The following MTUS2 variants were observed in gnomAD, a reference collection of about 807,000 sequenced individuals.
MTUS2 encodes microtubule-associated tumor suppressor candidate 2.
In MTUS2, 40 loss-of-function variants were observed where a neutral mutation model predicts 114.1. The observed-to-expected ratio is 0.35, with a 90% confidence interval of 0.27 to 0.46. The LOEUF is 0.46. Ranked by LOEUF, MTUS2 falls within the 20% of genes least tolerant of loss-of-function variation. MTUS2 has a pLI of 1.00. For synonymous variants in MTUS2, 688 were observed against 672.0 expected, an observed-to-expected ratio of 1.02 and a Z score of -0.37; for missense variants, 1,679 against 1,705.4, an observed-to-expected ratio of 0.98 and a Z score of 0.27.
chr13:29,172,620 C>T (rs985934654), intron 5 of MTUS2, among the ~76,000 whole-genome samples: 5 of 152,154 alleles, frequency 3.3e-5, no homozygotes, highest in South Asian at 2.1e-4. Context: ...TTGAATTGCA[C>T]ACTCAAGCTT....
intron 7 of MTUS2, among the ~76,000 whole-genome samples, chr13:29,357,152 C>A (rs1869811655): frequency 6.6e-6 from 1 of 150,812 alleles, no homozygotes; most frequent in Admixed American, 6.7e-5. Context: ...TCTCCATTTA[C>A]CATTGAGTAT....
chr13:28,940,028 T>A (rs9314925), intron 2 of MTUS2, among the ~76,000 whole-genome samples: 41,314 of 151,988 alleles, frequency 0.27, 5,676 homozygotes, highest in East Asian at 0.34. Flanking sequence ...ACCTGCCCCC[T>A]TGACTCAGTT....
chr13:28,913,373 T>C (rs1276478219), intron 2 of MTUS2, among the ~76,000 whole-genome samples: 1 of 152,214 alleles, frequency 6.6e-6, no homozygotes, highest in Admixed American at 6.5e-5. Context: ...GAGATAATCA[T>C]GTAGTTTTTG....
chr13:29,261,079 G>A (rs563234820), intron 5 of MTUS2, among the ~76,000 whole-genome samples: 1 of 152,270 alleles, frequency 6.6e-6, no homozygotes, highest in East Asian at 1.9e-4. Flanking sequence ...ATTATCATCC[G>A]CCTGGACCCT....
chr13:28,855,823 G>A (rs1876591202), intron 2 of MTUS2, among the ~76,000 whole-genome samples: 1 of 152,142 alleles, frequency 6.6e-6, no homozygotes, highest in African/African-American at 2.4e-5. Flanking sequence ...GGTATGTTTG[G>A]TTCTAGGTCT....
chr13:28,924,444 G>A (rs769242207), intron 2 of MTUS2, among the ~76,000 whole-genome samples: 4 of 152,150 alleles, frequency 2.6e-5, no homozygotes, highest in Non-Finnish European at 4.4e-5. Context: ...GTATCCTCCC[G>A]CTCTTGAGTA....
chr13:29,081,184 C>G (rs749753472), intron 4 of MTUS2, among the ~76,000 whole-genome samples: 1 of 152,050 alleles, frequency 6.6e-6, no homozygotes, highest in Non-Finnish European at 1.5e-5. Context: ...GGTTTCTGTA[C>G]ATAAACAGGA....
At position 29,032,575 on chromosome 13, in the gene MTUS2, A is replaced by G. The variant is rs138370490; in HGVS notation, c.2206-1310A>G. On this transcript the variant is annotated intron_variant, in intron 3 of 15. Coordinates refer to ENST00000612955, the MANE Select transcript of MTUS2 (RefSeq NM_001033602.4). Reference sequence around the variant, plus strand: ...ATGTAGAATGTTCTTTCATAGGAATATAATTTGCTATAGCCAAGGACTATC... The same window carrying G: ...ATGTAGAATGTTCTTTCATAGGAATGTAATTTGCTATAGCCAAGGACTATC... 1.1e-4 allele frequency among the ~76,000 whole-genome samples: 17 copies of G among 152,368 alleles called. No individual in the cohort carries two copies. The East Asian group carries it at 3.1e-3, about 28-fold the overall frequency.
chr13:29,093,226 C>T (rs1441121868), intron 4 of MTUS2, among the ~76,000 whole-genome samples: 2 of 152,118 alleles, frequency 1.3e-5, no homozygotes, highest in African/African-American at 4.8e-5. Context: ...GGGCAGATCA[C>T]GAGGTCAAGA....
chr13:29,379,712 C>T (rs934634556), intron 8 of MTUS2, among the ~76,000 whole-genome samples: 6 of 152,150 alleles, frequency 3.9e-5, no homozygotes, highest in Non-Finnish European at 7.4e-5. Context: ...GAAGAAAAAA[C>T]CCAGGAGAGA....
intron 5 of MTUS2, among the ~76,000 whole-genome samples, chr13:29,225,458 CT>C (rs1896070947): frequency 6.6e-6 from 1 of 152,196 alleles, no homozygotes; most frequent in African/African-American, 2.4e-5. Context: ...CAACCCCCTG[CT>C]TCTGTCTCTC....
chr13:28,922,735 C>T (rs1194057680), intron 2 of MTUS2, among the ~76,000 whole-genome samples: 1 of 152,214 alleles, frequency 6.6e-6, no homozygotes, highest in Non-Finnish European at 1.5e-5. Flanking sequence ...TCAAGACTGT[C>T]TTTCCTACCC....
At chr13:29,084,453 A>G (rs570132698) in intron 4 of MTUS2, among the ~76,000 whole-genome samples, 1 of 151,528 alleles carries the variant, frequency 6.6e-6, no homozygotes, top group South Asian at 2.1e-4. Context: ...AGAAGTTCAA[A>G]TCAGTATTGT....
At chr13:29,402,247 C>G (rs1593404263) in intron 8 of MTUS2, among the ~76,000 whole-genome samples, 1 of 152,112 alleles carries the variant, frequency 6.6e-6, no homozygotes, top group Admixed American at 6.5e-5. Flanking sequence ...ACTCTAGGCT[C>G]TACAAATTTG....
chr13:29,020,159 A>G (rs1886233770), intron 2 of MTUS2, among the ~76,000 whole-genome samples: 1 of 152,176 alleles, frequency 6.6e-6, no homozygotes, highest in Non-Finnish European at 1.5e-5. Flanking sequence ...TCAAACTAGT[A>G]CTGAACTAAT....
intron 5 of MTUS2, among the ~76,000 whole-genome samples, chr13:29,119,050 G>A (rs1891201386): frequency 1.3e-5 from 2 of 152,044 alleles, no homozygotes; most frequent in Non-Finnish European, 1.5e-5. Flanking sequence ...GTTTTTCTCT[G>A]ATCACAATTG....
intron 6 of MTUS2, among the ~76,000 whole-genome samples, chr13:29,294,850 G>A (rs1049879318): frequency 6.6e-6 from 1 of 152,174 alleles, no homozygotes; most frequent in African/African-American, 2.4e-5. Flanking sequence ...GCAAATTGAT[G>A]CAGTATGGCT....
intron 8 of MTUS2, among the ~76,000 whole-genome samples, chr13:29,375,653 A>C: frequency 7.7e-6 from 1 of 130,272 alleles, no homozygotes; most frequent in Non-Finnish European, 1.6e-5. Flanking sequence ...ACACCATGAA[A>C]TACCACTCAG....
chr13:29,092,668 C>T (rs1890010585), intron 4 of MTUS2, among the ~76,000 whole-genome samples: 1 of 152,110 alleles, frequency 6.6e-6, no homozygotes. Context: ...ATGGCCCCGC[C>T]AGACGAGTGG....
Sources: allele counts gnomAD v4.1 joint callset (sites outside exome capture counted in the v4.1 genomes callset), GRCh38; gene constraint gnomAD v4.1.1; transcripts MANE v1.5; gene names NCBI Gene and HGNC (gene_info 2026-07-23, HGNC 2026-07-21).